Variants in PTGER4 observed in about 807,000 individuals in gnomAD.
PTGER4 encodes the protein prostaglandin E receptor 4, also known as prostaglandin E2 receptor EP4 subtype.
Under a neutral mutation model 33.2 loss-of-function variants are expected in PTGER4, and 11 were observed. The ratio of observed to expected loss-of-function variants is 0.33; its 90% confidence interval spans 0.21 to 0.55. The LOEUF is 0.55. Among genes scored for constraint, PTGER4 ranks in the 20% least tolerant of loss-of-function variants. PTGER4 has a pLI of 0.92. For synonymous variants in PTGER4, 275 were observed against 281.5 expected (o/e 0.98, Z 0.23); for missense variants, 481 against 650.2 (o/e 0.74, Z 2.83).
chr5:40,744,505 T>TA, the PTGER4 span, among the ~76,000 whole-genome samples: 1 of 150,690 alleles, frequency 6.6e-6, no homozygotes, highest in Non-Finnish European at 1.5e-5. Flanking sequence ...TTTTTTTTTT[T>TA]AAGGAACAAA....
the PTGER4 span, among the ~76,000 whole-genome samples, chr5:40,707,980 C>G: frequency 6.6e-6 from 1 of 152,078 alleles, no homozygotes; most frequent in Non-Finnish European, 1.5e-5. Flanking sequence ...TCTTTGAAAC[C>G]AACAAGAACA....
chr5:40,738,504 CAATAA>C, the PTGER4 span, among the ~76,000 whole-genome samples: 271 of 102,632 alleles, frequency 2.6e-3, 1 homozygote, highest in African/African-American at 7.9e-3. Flanking sequence ...CAATACAATA[CAATAA>C]AATACAATAA....
At position 40,692,361 on chromosome 5, in the gene PTGER4, T is replaced by C; in HGVS notation, c.1450T>C (p.Ser484Pro). ...VTFPSETLNL[S>P]EKCI is the part of the protein sequence containing the mutation. ...ATTTCCCAGTGAAACACTGAACTTA[T>C]CAGAAAAATGTATATAATAGGCAAG... Residue 484 changes from serine to proline, a missense_variant, in exon 3 of 3, where the codon TCA becomes CCA. Around this residue, in one of 7 missense-constraint regions of PTGER4, gnomAD observed 172 missense variants for 199.2 expected, o/e 0.86. Transcript: ENST00000302472. 6.3e-7 allele frequency: 1 copy of C among 1,594,554 alleles called. No individual in the cohort carries two copies. The highest frequency in any genetic ancestry group is 8.5e-7 in the Non-Finnish European group (1 of 1,169,798).
chr5:40,717,376 A>G, the PTGER4 span, among the ~76,000 whole-genome samples: 1 of 152,320 alleles, frequency 6.6e-6, no homozygotes, highest in East Asian at 1.9e-4. Context: ...GAATTGGCAG[A>G]GCTGGGATGC....
chr5:40,708,358 T>C, the PTGER4 span, among the ~76,000 whole-genome samples: 3 of 152,254 alleles, frequency 2.0e-5, 1 homozygote, highest in South Asian at 2.1e-4. Flanking sequence ...AGATCACCAC[T>C]GATCCCACAG....
At chr5:40,702,729 T>C in the PTGER4 span, among the ~76,000 whole-genome samples, 4 of 152,244 alleles carry the variant, frequency 2.6e-5, no homozygotes, top group Admixed American at 1.3e-4. Flanking sequence ...CATCGCCACA[T>C]GGCACATACT....
chr5:40,731,140 A>AT, the PTGER4 span, among the ~76,000 whole-genome samples: 1 of 152,318 alleles, frequency 6.6e-6, no homozygotes, highest in African/African-American at 2.4e-5. Context: ...GTATTCCTTC[A>AT]TAACAATCCT....
At chr5:40,733,557 C>T in the PTGER4 span, among the ~76,000 whole-genome samples, 1 of 152,106 alleles carries the variant, frequency 6.6e-6, no homozygotes, top group African/African-American at 2.4e-5. Context: ...ACTTCCAGTC[C>T]TATTTTCTGC....
At chr5:40,699,238 G>A in the PTGER4 span, among the ~76,000 whole-genome samples, 2 of 150,880 alleles carry the variant, frequency 1.3e-5, no homozygotes, top group African/African-American at 4.9e-5. Flanking sequence ...TATAAAGGAT[G>A]AAAAGACATA....
the PTGER4 span, among the ~76,000 whole-genome samples, chr5:40,726,997 T>C: frequency 1.3e-5 from 2 of 152,188 alleles, no homozygotes; most frequent in African/African-American, 4.8e-5. Flanking sequence ...TTGGTTAAAA[T>C]GGTTTCTATC....
At chr5:40,685,653 T>A (rs938697248) in intron 2 of PTGER4, among the ~76,000 whole-genome samples, 1 of 152,214 alleles carries the variant, frequency 6.6e-6, no homozygotes, top group Non-Finnish European at 1.5e-5. Flanking sequence ...TTTCCACATC[T>A]GGCATTTCAT....
At chr5:40,685,473 C>G in intron 2 of PTGER4, 4 of 984,990 alleles carry the variant, frequency 4.1e-6, no homozygotes, top group Non-Finnish European at 3.6e-6. Context: ...AGAGAAATGC[C>G]ACAAATTTGG....
At chr5:40,713,678 T>C in the PTGER4 span, among the ~76,000 whole-genome samples, 1 of 152,292 alleles carries the variant, frequency 6.6e-6, no homozygotes, top group East Asian at 1.9e-4. Flanking sequence ...GACTAATGAG[T>C]GTCTATGCCA....
chr5:40,693,974 A>G (rs1376832818), downstream of PTGER4, among the ~76,000 whole-genome samples: 6 of 152,168 alleles, frequency 3.9e-5, no homozygotes, highest in Non-Finnish European at 7.4e-5. Context: ...TGACATATAA[A>G]GGACTCAAAT....
chr5:40,688,263 C>T (rs2111803740), intron 2 of PTGER4, among the ~76,000 whole-genome samples: 1 of 152,212 alleles, frequency 6.6e-6, no homozygotes, highest in South Asian at 2.1e-4. Flanking sequence ...CTGCGAGTCT[C>T]GGAGATGGCT....
chr5:40,738,432 AAAT>A, the PTGER4 span, among the ~76,000 whole-genome samples: 131 of 137,780 alleles, frequency 9.5e-4, 1 homozygote, highest in African/African-American at 3.5e-3. Context: ...AAATAAAATA[AAAT>A]ATAAAATAAA....
At position 40,680,339 on chromosome 5, in the gene PTGER4, G is replaced by C. The variant is rs917994218; in HGVS notation, c.-183G>C. ...CGGTGTCCAAAAATCGACAGCCACT[G>C]AGACCGGCTTTGAGAAGCCGAAGAT... On this transcript the variant is annotated 5_prime_UTR_variant, in exon 1 of 3. Coordinates refer to ENST00000302472, the MANE Select transcript of PTGER4 (RefSeq NM_000958.3). This position sits in a 1 kb window ranked among gnomAD's most constrained non-coding sequence, Gnocchi z 5.5. The C allele has an allele frequency of 1.3e-5, 2 of 152,810 alleles. No homozygotes were observed. Among genetic ancestry groups the C allele is most frequent in the Non-Finnish European group, 2.9e-5 (2 of 68,388 alleles). The allele number at this position is 152,810 out of a possible 1,614,324, so 9.5% of individuals were successfully genotyped here. A position where few individuals can be genotyped will look rare whatever the true frequency, so the allele number is the denominator to read the frequency against.
At chr5:40,718,082 C>A in the PTGER4 span, among the ~76,000 whole-genome samples, 1 of 150,752 alleles carries the variant, frequency 6.6e-6, no homozygotes, top group Admixed American at 6.6e-5. Context: ...AAAGATTGCA[C>A]ATAATCTACA....
In PTGER4 at chr5:40,692,658, G is replaced by C; in HGVS notation, c.*280G>C. On this transcript the variant is annotated 3_prime_UTR_variant, in exon 3 of 3. Transcript: ENST00000302472. ...CCCTCCGTTTTTCTACTAGATAGGA[G>C]GATGGTAGAAGTTTGGCTGCTGTCA... 1.8e-6 allele frequency: 2 copies of C among 1,140,782 alleles called. No homozygotes were observed. Among genetic ancestry groups the C allele is most frequent in the South Asian group, 3.0e-5 (1 of 33,264 alleles). 70.7% of individuals were successfully genotyped at this position (1,140,782 alleles called of 1,614,324 possible).
Sources: allele counts gnomAD v4.1 joint callset (sites outside exome capture counted in the v4.1 genomes callset), GRCh38; gene constraint gnomAD v4.1.1; regional missense constraint gnomAD v4.1.1; non-coding constraint Gnocchi (gnomAD v3.1); transcripts MANE v1.5; gene names NCBI Gene and HGNC (gene_info 2026-07-23, HGNC 2026-07-21).